Variants in OR2C1 observed in about 807,000 individuals in gnomAD.
OR2C1 encodes olfactory receptor 2C1.
For synonymous variants in OR2C1, 209 were observed against 167.3 expected (o/e 1.25, Z -1.92); for missense variants, 468 against 388.3 (o/e 1.21, Z -1.73).
the OR2C1 span, among the ~76,000 whole-genome samples, chr16:3,328,267 T>G: frequency 2.0e-5 from 3 of 152,210 alleles, no homozygotes; most frequent in Admixed American, 2.0e-4. Context: ...AAAACATACT[T>G]AGCCAAACAA....
chr16:3,323,258 G>A, the OR2C1 span: 4 of 797,122 alleles, frequency 5.0e-6, 1 homozygote, highest in South Asian at 5.3e-5. Flanking sequence ...CCTTGAGGAA[G>A]CCCACTGTAT....
upstream of OR2C1, among the ~76,000 whole-genome samples, chr16:3,354,086 T>G (rs748548450): frequency 6.6e-6 from 1 of 151,570 alleles, no homozygotes; most frequent in Non-Finnish European, 1.5e-5. Flanking sequence ...CTGTTTCAAG[T>G]GTTTCTGCTG....
upstream of OR2C1, among the ~76,000 whole-genome samples, chr16:3,352,269 A>T (rs900409383): frequency 6.6e-6 from 1 of 151,776 alleles, no homozygotes; most frequent in Non-Finnish European, 1.5e-5. Flanking sequence ...GGCGCCCACC[A>T]CCACGCCCGC....
the OR2C1 span, among the ~76,000 whole-genome samples, chr16:3,340,092 A>G: frequency 6.6e-6 from 1 of 152,070 alleles, no homozygotes; most frequent in Non-Finnish European, 1.5e-5. Flanking sequence ...CAACCTGGCC[A>G]ACATGGTGAA....
the OR2C1 span, among the ~76,000 whole-genome samples, chr16:3,338,803 TG>T: frequency 4.6e-5 from 7 of 152,150 alleles, no homozygotes; most frequent in African/African-American, 1.7e-4. Context: ...CCCAAAGTGC[TG>T]GGATTACGGG....
the OR2C1 span, among the ~76,000 whole-genome samples, chr16:3,333,554 C>A: frequency 6.6e-6 from 1 of 152,072 alleles, no homozygotes; most frequent in Non-Finnish European, 1.5e-5. Context: ...CCAGGATGGT[C>A]TCAATCTCCT....
the OR2C1 span, among the ~76,000 whole-genome samples, chr16:3,344,250 T>C: frequency 1.3e-5 from 2 of 151,308 alleles, no homozygotes; most frequent in South Asian, 2.1e-4. Context: ...AGAACTATTA[T>C]AAATAAACAA....
At chr16:3,324,228 A>G in the OR2C1 span, among the ~76,000 whole-genome samples, 45 of 152,226 alleles carry the variant, frequency 3.0e-4, no homozygotes, top group Non-Finnish European at 6.6e-4. Flanking sequence ...GCCTCACTCT[A>G]TCCCCCAGGC....
At chr16:3,355,544 G>A (rs143830055), upstream of OR2C1, among the ~76,000 whole-genome samples, 148 of 151,268 alleles carry the variant, frequency 9.8e-4, 1 homozygote, top group African/African-American at 3.4e-3. Context: ...CACTTTGGGA[G>A]GCTGAGGCAG....
the OR2C1 span, among the ~76,000 whole-genome samples, chr16:3,337,358 G>A: frequency 1.6e-4 from 23 of 145,972 alleles, no homozygotes; most frequent in South Asian, 1.8e-3. Context: ...TAATAGAGAC[G>A]GGGTTTCACC....
Position 3,356,180 on chromosome 16 carries a change from A to T in OR2C1, c.240A>T (p.Gln80His). 1 of 1,614,072 alleles carries T rather than the reference A, an allele frequency of 6.2e-7. No homozygotes were observed. The highest frequency in any genetic ancestry group is 8.5e-7 in the Non-Finnish European group (1 of 1,180,018). Residue 80 changes from glutamine (Q) to histidine (H), a missense_variant, in exon 1 of 1, where the codon CAA becomes CAT. Transcript: ENST00000304936. ...DLAFATSSVP[Q>H]MLINLWGPGK... is the part of the protein sequence containing the mutation. The stretch of plus-strand genomic sequence containing the variant: ...CTTTCGCTACTAGTTCAGTCCCCCA[A>T]ATGCTGATCAATTTATGGGGACCAG...
the OR2C1 span, among the ~76,000 whole-genome samples, chr16:3,350,451 G>A: frequency 1.1e-4 from 16 of 149,998 alleles, no homozygotes; most frequent in Non-Finnish European, 2.1e-4. Flanking sequence ...TTGCTCTGTC[G>A]CCCAGGCTGG....
chr16:3,335,715 C>G, the OR2C1 span, among the ~76,000 whole-genome samples: 1 of 151,736 alleles, frequency 6.6e-6, no homozygotes, highest in Non-Finnish European at 1.5e-5. Flanking sequence ...TTAATAGAGA[C>G]TAGGTTGCAT....
the OR2C1 span, among the ~76,000 whole-genome samples, chr16:3,350,055 C>CTTTT: frequency 9.0e-3 from 922 of 102,690 alleles, 43 homozygotes; most frequent in Admixed American, 0.022. Flanking sequence ...AAAAGGGAAT[C>CTTTT]TTTTTTTTTT....
the OR2C1 span, among the ~76,000 whole-genome samples, chr16:3,335,583 G>C: frequency 2.4e-5 from 3 of 123,194 alleles, no homozygotes; most frequent in African/African-American, 9.5e-5. Context: ...CTGGAGTGCA[G>C]TAGCGCAATA....
chr16:3,337,083 G>A, the OR2C1 span, among the ~76,000 whole-genome samples: 1 of 151,960 alleles, frequency 6.6e-6, no homozygotes, highest in Non-Finnish European at 1.5e-5. Flanking sequence ...TCGAACTCCT[G>A]ACCTCAGGTG....
At chr16:3,336,198 C>A in the OR2C1 span, among the ~76,000 whole-genome samples, 8 of 152,108 alleles carry the variant, frequency 5.3e-5, no homozygotes, top group African/African-American at 1.9e-4. Flanking sequence ...ATTCTTCATT[C>A]TGTTAATATG....
chr16:3,327,848 A>AT, the OR2C1 span, among the ~76,000 whole-genome samples: 73 of 150,462 alleles, frequency 4.9e-4, 2 homozygotes, highest in South Asian at 0.012. Flanking sequence ...ATTGGCTTTA[A>AT]TTTTTTTTTT....
At chr16:3,346,317 A>G in the OR2C1 span, among the ~76,000 whole-genome samples, 1 of 152,192 alleles carries the variant, frequency 6.6e-6, no homozygotes, top group Non-Finnish European at 1.5e-5. Flanking sequence ...TGATTGTTGA[A>G]TGAATAAATA....
Sources: allele counts gnomAD v4.1 joint callset (sites outside exome capture counted in the v4.1 genomes callset), GRCh38; gene constraint gnomAD v4.1.1; transcripts MANE v1.5; gene names NCBI Gene and HGNC (gene_info 2026-07-23, HGNC 2026-07-21).